Variants in GRM4 observed in about 807,000 individuals in gnomAD.
The protein encoded by GRM4 is glutamate metabotropic receptor 4.
GRM4 carries 28 observed loss-of-function variants against 81.7 expected under a neutral mutation model. That is an observed-to-expected ratio of 0.34 (90% CI 0.25 to 0.47). The LOEUF (loss-of-function observed/expected upper bound fraction) is 0.47. GRM4 is among the 20% of genes least tolerant of loss of function. The probability of loss-of-function intolerance (pLI) is 1.00; values close to 1 mark genes in which losing one functional copy is unlikely to be tolerated. For missense variants in GRM4, 948 were observed against 1,290.0 expected (o/e 0.73, Z 4.06); for synonymous variants, 488 against 528.8 (o/e 0.92, Z 1.06).
intron 2 of GRM4, among the ~76,000 whole-genome samples, chr6:34,124,234 C>T (rs376637902): frequency 2.6e-4 from 39 of 152,298 alleles, no homozygotes; most frequent in Admixed American, 4.6e-4. Context: ...CAAGCAGAGT[C>T]CTGTCCCCGG....
chr6:34,071,623 CCA>C (rs201061026), intron 3 of GRM4, among the ~76,000 whole-genome samples: 2 of 93,420 alleles, frequency 2.1e-5, no homozygotes, highest in Non-Finnish European at 4.5e-5. Flanking sequence ...CCATACATCA[CCA>C]CACAGATACA....
At position 34,121,817 on chromosome 6, in the gene GRM4, C is replaced by T. The variant is rs4713742; in HGVS notation, c.519+11161G>A. 0.46 allele frequency among the ~76,000 whole-genome samples: 70,097 copies of T among 151,988 alleles called. 17,150 individuals carry two copies. Among genetic ancestry groups the T allele is most frequent in the Admixed American group, 0.56 (8,496 of 15,270 alleles). ...CCTCACACATGGGCCCACTTTACAA[C>T]ACCTCCTGTTTCCTGAGGGCCTGCG... On this transcript the variant is annotated intron_variant, in intron 2 of 10. Transcript: ENST00000538487. This position sits in a 1 kb window ranked among gnomAD's most constrained non-coding sequence, Gnocchi z 4.6.
At position 34,028,298 on chromosome 6, in the gene GRM4, G is replaced by C. The variant is rs1262226007; in HGVS notation, c.2511C>G (p.Leu837=). The stretch of plus-strand genomic sequence containing the variant: ...GGATGATGTAGACTTTGGGCATGTA[G>C]AGCATTCCCAGGGACACCGAGGCGC... ...SLSASVSLGM[L]YMPKVYIILF... is the part of the protein sequence containing the mutation. Residue 837 remains leucine (L), a synonymous_variant, in exon 10 of 11, where the codon CTC becomes CTG. Transcript: ENST00000538487. 1.2e-6 allele frequency: 2 copies of C among 1,613,550 alleles called. No homozygotes were observed. Among genetic ancestry groups the C allele is most frequent in the South Asian group, 2.2e-5 (2 of 91,076 alleles).
chr6:34,077,193 C>G (rs925791996), intron 3 of GRM4, among the ~76,000 whole-genome samples: 1 of 152,088 alleles, frequency 6.6e-6, no homozygotes, highest in African/African-American at 2.4e-5. Context: ...CCCACATGTC[C>G]CCAGAGGTAG....
At chr6:34,056,474 AG>A in intron 6 of GRM4, 69 bp downstream of exon 6, 2 of 1,385,832 alleles carry the variant, frequency 1.4e-6, no homozygotes, top group Non-Finnish European at 2.0e-6. Context: ...TCTCGGCCTC[AG>A]GCCCCCAGGC....
chr6:34,148,596 C>T (rs1302690119), upstream of GRM4, among the ~76,000 whole-genome samples: 1 of 152,196 alleles, frequency 6.6e-6, no homozygotes, highest in Non-Finnish European at 1.5e-5. Context: ...TGATTTCTAA[C>T]CGTGTCTCCA....
intron 3 of GRM4, among the ~76,000 whole-genome samples, chr6:34,086,798 G>A (rs1767911120): frequency 6.6e-6 from 1 of 152,180 alleles, no homozygotes; most frequent in Non-Finnish European, 1.5e-5. Context: ...TGTCTTGAGA[G>A]CTAAATGAGG....
chr6:34,083,321 C>A (rs1767706544), intron 3 of GRM4, among the ~76,000 whole-genome samples: 2 of 152,344 alleles, frequency 1.3e-5, no homozygotes, highest in South Asian at 4.1e-4. Context: ...TCCAAGCCGA[C>A]AGGCGCAGTC....
intron 1 of GRM4, among the ~76,000 whole-genome samples, chr6:34,134,407 G>A (rs1770371108): frequency 6.6e-6 from 1 of 152,166 alleles, no homozygotes; most frequent in South Asian, 2.1e-4. Context: ...AGAGACCCAG[G>A]AACACAAATA....
intron 5 of GRM4, among the ~76,000 whole-genome samples, chr6:34,057,740 T>TG (rs879769188): frequency 6.6e-6 from 1 of 152,350 alleles, no homozygotes; most frequent in Non-Finnish European, 1.5e-5. Flanking sequence ...TCCTGGATTC[T>TG]GGTCCCAACT....
At chr6:34,148,207 G>A (rs1770978191), upstream of GRM4, among the ~76,000 whole-genome samples, 1 of 152,086 alleles carries the variant, frequency 6.6e-6, no homozygotes. Flanking sequence ...GCAACATCCT[G>A]ACCACCCCGG....
At chr6:34,058,641 C>T (rs1766021836) in intron 5 of GRM4, among the ~76,000 whole-genome samples, 1 of 152,178 alleles carries the variant, frequency 6.6e-6, no homozygotes, top group South Asian at 2.1e-4. Context: ...GCCTGTCAAC[C>T]CCAGGCAGAC....
intron 3 of GRM4, among the ~76,000 whole-genome samples, chr6:34,077,747 ACTCTTTTC>A (rs1767389018): frequency 6.6e-6 from 1 of 151,106 alleles, no homozygotes; most frequent in Admixed American, 6.6e-5. Flanking sequence ...ACCTTCCCAG[ACTCTTTTC>A]TTCAAGTCAG....
chr6:34,154,533 G>A (rs886732522), intron 1 of GRM4, among the ~76,000 whole-genome samples: 11 of 152,006 alleles, frequency 7.2e-5, no homozygotes, highest in Admixed American at 5.9e-4. Flanking sequence ...AATGTGACAT[G>A]GGTGGGTGGT....
chr6:34,044,685 GACAT>G (rs1220991961), intron 6 of GRM4, among the ~76,000 whole-genome samples: 3 of 106,046 alleles, frequency 2.8e-5, no homozygotes, highest in African/African-American at 7.6e-5. Flanking sequence ...CACACACACA[GACAT>G]ACATACACAT....
chr6:34,082,760 G>A lies in GRM4; in HGVS notation c.736+9123C>T, dbSNP rs2101544. 4.3e-3 allele frequency among the ~76,000 whole-genome samples: 648 copies of A among 152,360 alleles called. 8 individuals are homozygous for A. The highest frequency in any genetic ancestry group is 0.014 in the African/African-American group (590 of 41,584). ...CACGCACTTAACCTCACAACAAGCT[G>A]TAAGTGAAGGACTATTACTATCCCT... On this transcript the variant is annotated intron_variant, in intron 3 of 10. Coordinates refer to ENST00000538487, the MANE Select transcript of GRM4 (RefSeq NM_000841.4).
At position 34,092,738 on chromosome 6, in the gene GRM4, G is replaced by A. The variant is rs1452961974; in HGVS notation, c.520-639C>T. ...GCCCAGAGAGTCACCACCCTGCCGG[G>A]TCCCACAGCCTCTCCAAGGCAGAGC... On this transcript the variant is annotated intron_variant, in intron 2 of 10. Transcript: ENST00000538487. The surrounding 1 kb of genome is among the most constrained non-coding windows in gnomAD (Gnocchi z 6.8). 6.6e-6 allele frequency among the ~76,000 whole-genome samples: 1 copy of A among 152,074 alleles called. No individual in the cohort carries two copies. Among genetic ancestry groups the A allele is most frequent in the Non-Finnish European group, 1.5e-5 (1 of 67,976 alleles).
intron 2 of GRM4, chr6:34,103,887 G>T: frequency 1.4e-6 from 2 of 1,384,250 alleles, no homozygotes; most frequent in African/African-American, 1.5e-5. Flanking sequence ...TGTTACAGAA[G>T]CCTGGGGAGA....
chr6:34,102,727 C>T (rs1188160010), intron 2 of GRM4, among the ~76,000 whole-genome samples: 1 of 152,248 alleles, frequency 6.6e-6, no homozygotes, highest in Non-Finnish European at 1.5e-5. Flanking sequence ...ACTGTGTCTT[C>T]AGACACCTGC....
Sources: gnomAD v4.1 joint callset for allele counts (sites outside exome capture counted in the v4.1 genomes callset) on GRCh38, gnomAD v4.1.1 for gene constraint, Gnocchi (gnomAD v3.1) non-coding constraint, MANE v1.5 for transcripts, NCBI Gene and HGNC (gene_info 2026-07-23, HGNC 2026-07-21) for gene names.